The following RPL19 variants were observed in gnomAD, a reference collection of about 807,000 sequenced individuals.
RPL19 encodes ribosomal protein L19, also known as large ribosomal subunit protein eL19.
Under a neutral mutation model 25.1 loss-of-function variants are expected in RPL19, and 2 were observed. The observed-to-expected ratio is 0.08, with a 90% CI of 0.03 to 0.25. The LOEUF (loss-of-function observed/expected upper bound fraction) is 0.25. Among genes scored for constraint, RPL19 ranks in the 10% least tolerant of loss-of-function variants. The probability of loss-of-function intolerance (pLI) is 1.00; values close to 1 mark genes in which losing one functional copy is unlikely to be tolerated. For synonymous variants in RPL19, 89 were observed against 91.2 expected (o/e 0.98, Z 0.14); for missense variants, 123 against 271.8 (o/e 0.45, Z 3.85).
chr17:39,200,365 T>C lies in RPL19; in HGVS notation c.5+16T>C. 1 of 1,565,746 alleles carries C rather than the reference T, an allele frequency of 6.4e-7. No individual in the cohort carries two copies. The highest frequency in any genetic ancestry group is 8.6e-7 in the Non-Finnish European group (1 of 1,158,066). ...CAGCCATGAGGTGAGGGCGAGCTGG[T>C]CTCCATCAGGCGCTGACGCGTGTCG... On this transcript the variant is annotated intron_variant, in intron 1 of 5. Coordinates refer to ENST00000225430, the MANE Select transcript of RPL19 (RefSeq NM_000981.4).
At chr17:39,203,240 G>A in intron 4 of RPL19, 131 bp downstream of exon 4, 2 of 950,122 alleles carry the variant, frequency 2.1e-6, no homozygotes, top group East Asian at 2.6e-5. Flanking sequence ...GGAGTGCAGT[G>A]GCGCGATCTC....
rs180783736 is a variant in RPL19 at position 39,202,480 on chromosome 17, G to A, written c.235+41G>A. On this transcript the variant is annotated intron_variant, in intron 3 of 5. Coordinates refer to ENST00000225430, the MANE Select transcript of RPL19 (RefSeq NM_000981.4). ...TTCTCCTTAAGAAATGATAGGTGCT[G>A]GCATCTATGCTGAAATATATTCAGG... The A allele has an allele frequency of 3.3e-3, 5,371 of 1,608,232 alleles. 14 individuals carry two copies. The highest frequency in any genetic ancestry group is 3.9e-3 in the Non-Finnish European group (4,556 of 1,174,912).
At position 39,202,457 on chromosome 17, in the gene RPL19, C is replaced by T. The variant is rs777208191; in HGVS notation, c.235+18C>T. The T allele has an allele frequency of 6.2e-7, 1 of 1,613,960 alleles. No homozygotes were observed. The highest frequency in any genetic ancestry group is 1.1e-5 in the South Asian group (1 of 91,034). On this transcript the variant is annotated intron_variant, in intron 3 of 5. Coordinates refer to ENST00000225430, the MANE Select transcript of RPL19 (RefSeq NM_000981.4). ...GGGCATAGGTAAGTGTGGTCATCTTCTCCTTAAGAAATGATAGGTGCTGGC... is the reference window on the plus strand; with the variant it reads ...GGGCATAGGTAAGTGTGGTCATCTTTTCCTTAAGAAATGATAGGTGCTGGC...
At position 39,202,696 on chromosome 17, in the gene RPL19, G is replaced by C. The variant is rs1424474833; in HGVS notation, c.235+257G>C. ...TGTACTTTCTAGTTTCAGAATGATC[G>C]AAGGAAGCTCCTTACAACGTGCTGT... On this transcript the variant is annotated intron_variant, in intron 3 of 5. Coordinates refer to ENST00000225430, the MANE Select transcript of RPL19 (RefSeq NM_000981.4). 1.0e-5 allele frequency: 6 copies of C among 597,538 alleles called. No individual in the cohort carries two copies. In the South Asian group the frequency reaches 1.2e-4, roughly 12 times the overall value. The allele number at this position is 597,538 out of a possible 1,614,324, so 37.0% of individuals were successfully genotyped here.
In RPL19 at chr17:39,200,366, C is replaced by G. The variant is rs560606088; in HGVS notation, c.5+17C>G. 13 of 1,564,964 alleles carry G rather than the reference C, an allele frequency of 8.3e-6. No individual in the cohort carries two copies. Among genetic ancestry groups the G allele is most frequent in the African/African-American group, 2.7e-5 (2 of 73,502 alleles). ...AGCCATGAGGTGAGGGCGAGCTGGT[C>G]TCCATCAGGCGCTGACGCGTGTCGA... On this transcript the variant is annotated intron_variant, in intron 1 of 5. Coordinates refer to ENST00000225430, the MANE Select transcript of RPL19 (RefSeq NM_000981.4).
In RPL19 at chr17:39,203,046, G is replaced by A. The variant is rs376334495; in HGVS notation, c.293G>A (p.Arg98Lys). Residue 98 changes from arginine to lysine, a missense_variant, in exon 4 of 6, where the codon AGA becomes AAA. By Grantham distance (26) the Arg-to-Lys change is conservative (BLOSUM62 2). Transcript: ENST00000225430. ...CCAGAGAAGGTCACATGGATGAGGA[G>A]AATGAGGATTTTGCGCCGGCTGCTC... is the stretch of plus-strand genomic sequence containing the variant. ...RMPEKVTWMR[R>K]MRILRRLLRR... 3 of 1,613,962 alleles carry A rather than the reference G, an allele frequency of 1.9e-6. No homozygotes were observed. Among genetic ancestry groups the A allele is most frequent in the Non-Finnish European group, 1.7e-6 (2 of 1,179,988 alleles).
At position 39,200,337 on chromosome 17, in the gene RPL19, C is replaced by T. The variant is rs1026818927; in HGVS notation, c.-8C>T. ...GAGCTCTTTCCTTTCGCTGCTGCGGCCGCAGCCATGAGGTGAGGGCGAGCT... is the reference window on the plus strand; with the variant it reads ...GAGCTCTTTCCTTTCGCTGCTGCGGTCGCAGCCATGAGGTGAGGGCGAGCT... On this transcript the variant is annotated 5_prime_UTR_variant, in exon 1 of 6. Transcript: ENST00000225430. 39 of 1,559,924 alleles carry T rather than the reference C, an allele frequency of 2.5e-5. No homozygotes were observed. The highest frequency in any genetic ancestry group is 2.8e-5 in the Non-Finnish European group (32 of 1,155,392).
At chr17:39,204,414 C>CTAG (rs2046310527) in intron 5 of RPL19, 111 bp from the exon 6 acceptor site, 1 of 1,365,254 alleles carries the variant, frequency 7.3e-7, no homozygotes, top group Non-Finnish European at 1.0e-6. Flanking sequence ...GGCCCAGCAA[C>CTAG]TCATTCCAGA....
At chr17:39,201,121 G>A (rs1266071476) in intron 1 of RPL19, 92 bp from the exon 2 acceptor site, 2 of 809,098 alleles carry the variant, frequency 2.5e-6, no homozygotes, top group Middle Eastern at 2.7e-4. Flanking sequence ...TCGCGGCTGT[G>A]GTGTGGGTCA....
chr17:39,201,397 TG>T, intron 2 of RPL19, 78 bp downstream of exon 2: 1 of 871,696 alleles, frequency 1.1e-6, no homozygotes, highest in Non-Finnish European at 1.8e-6. Context: ...ACAATTGTGT[TG>T]ACTTTTTTTT....
chr17:39,202,659 T>C (rs1031570470), intron 3 of RPL19: 3 of 617,398 alleles, frequency 4.9e-6, no homozygotes, highest in African/African-American at 3.7e-5. Flanking sequence ...ACCTACACTA[T>C]GCCAAGGATT....
intron 3 of RPL19, 129 bp downstream of exon 3, chr17:39,202,568 G>A: frequency 1.6e-6 from 2 of 1,214,988 alleles, no homozygotes; most frequent in Non-Finnish European, 2.3e-6. Flanking sequence ...TGTGTTTTCT[G>A]CCTGTGTGCA....
intron 4 of RPL19, among the ~76,000 whole-genome samples, chr17:39,203,655 TGTAC>T (rs2046305626): frequency 6.6e-6 from 1 of 151,814 alleles, no homozygotes; most frequent in Admixed American, 6.6e-5. Flanking sequence ...ATTACAGGCA[TGTAC>T]TACCACGCCT....
At chr17:39,203,213 GCT>G in intron 4 of RPL19, 104 bp downstream of exon 4, 1 of 1,205,254 alleles carries the variant, frequency 8.3e-7, no homozygotes, top group East Asian at 2.5e-5. Context: ...ATGGAGTCTT[GCT>G]CTGTCACCCA....
At chr17:39,204,055 C>G (rs1001497477) in intron 4 of RPL19, 22 bp from the exon 5 acceptor site, 3 of 1,408,866 alleles carry the variant, frequency 2.1e-6, no homozygotes, top group African/African-American at 2.8e-5. Context: ...ACCAGCATCT[C>G]TTCACTCCGT....
intron 2 of RPL19, 81 bp downstream of exon 2, chr17:39,201,400 C>CTTTT: frequency 1.6e-5 from 10 of 619,278 alleles, no homozygotes; most frequent in East Asian, 3.1e-5. Flanking sequence ...ATTGTGTTGA[C>CTTTT]TTTTTTTTTT....
chr17:39,204,068 A>C lies in RPL19; in HGVS notation c.357-9A>C, dbSNP rs760737490. The C allele has an allele frequency of 1.1e-5, 17 of 1,524,906 alleles. No homozygotes were observed. Among genetic ancestry groups the C allele is most frequent in the South Asian group, 3.4e-5 (3 of 89,234 alleles). 94.5% of individuals were successfully genotyped at this position (1,524,906 alleles called of 1,614,324 possible). A position where few individuals can be genotyped will look rare whatever the true frequency, so the allele number is the denominator to read the frequency against. ...CAACCAGCATCTCTTCACTCCGTGTACCCTGCAGGTATCACAGCCTGTACC... is the reference window on the plus strand; with the variant it reads ...CAACCAGCATCTCTTCACTCCGTGTCCCCTGCAGGTATCACAGCCTGTACC... On this transcript the variant is annotated splice_polypyrimidine_tract_variant and intron_variant, in intron 4 of 5. Transcript: ENST00000225430.
At chr17:39,202,611 GAGT>G in intron 3 of RPL19, 172 bp downstream of exon 3, 3 of 776,014 alleles carry the variant, frequency 3.9e-6, no homozygotes, top group Non-Finnish European at 6.2e-6. Context: ...TTGGAATTGA[GAGT>G]ATCCCTGGTA....
chr17:39,204,343 A>T (rs999792825), intron 5 of RPL19, among the ~76,000 whole-genome samples, 156 bp downstream of exon 5: 1 of 152,172 alleles, frequency 6.6e-6, no homozygotes, highest in Non-Finnish European at 1.5e-5. Flanking sequence ...TCTGTCCTGT[A>T]CACACCCACT....
Sources: allele counts gnomAD v4.1 joint callset (sites outside exome capture counted in the v4.1 genomes callset), GRCh38; gene constraint gnomAD v4.1.1; transcripts MANE v1.5; gene names NCBI Gene and HGNC (gene_info 2026-07-23, HGNC 2026-07-21).